The following SMAD1 variants were observed in gnomAD, a reference collection of about 807,000 sequenced individuals.
SMAD1 encodes the protein SMAD family member 1, also known as MAD, mothers against decapentaplegic homolog 1.
SMAD1 carries 6 observed loss-of-function variants against 41.6 expected under a neutral mutation model. The ratio of observed to expected loss-of-function variants is 0.14; its 90% CI spans 0.08 to 0.28. The LOEUF (loss-of-function observed/expected upper bound fraction) is 0.28, where lower values mean the gene tolerates loss of function less well. Ranked by LOEUF, SMAD1 falls within the 10% of genes least tolerant of loss-of-function variation. The pLI is 1.00. For missense variants in SMAD1, 379 were observed against 582.6 expected (o/e 0.65, Z 3.60); for synonymous variants, 206 against 203.2 (o/e 1.01, Z -0.12).
rs557064868 is a variant in SMAD1, at chr4:145,537,520, A to T, written c.401-2284A>T. Among the ~76,000 whole-genome samples, 4 of 152,306 alleles carry T rather than the reference A, an allele frequency of 2.6e-5. No individual in the cohort carries two copies. In the South Asian group the frequency reaches 8.3e-4, roughly 32 times the overall value. Reference sequence around the variant, plus strand: ...ATAAGTTAAATTTTTTAAAGTTCATAGAAGTTTTTATAACTGCCTCAAACT... The same window carrying T: ...ATAAGTTAAATTTTTTAAAGTTCATTGAAGTTTTTATAACTGCCTCAAACT... On this transcript the variant is annotated intron_variant, in intron 2 of 6. Transcript: ENST00000302085.
At chr4:145,557,412 T>C (rs1732903559) in intron 6 of SMAD1, among the ~76,000 whole-genome samples, 1 of 152,238 alleles carries the variant, frequency 6.6e-6, no homozygotes. Context: ...ATAGCTTTTT[T>C]GTTTTATTTT....
At chr4:145,480,917 ATTTTTTTTT>A (rs5862738), upstream of SMAD1, among the ~76,000 whole-genome samples, 2 of 128,724 alleles carry the variant, frequency 1.6e-5, no homozygotes, top group Non-Finnish European at 3.3e-5. Context: ...GCTGGGAGTG[ATTTTTTTTT>A]TTTTTTTTTT....
chr4:145,504,406 C>CT (rs1405620293), intron 1 of SMAD1, among the ~76,000 whole-genome samples: 1 of 152,122 alleles, frequency 6.6e-6, no homozygotes, highest in Non-Finnish European at 1.5e-5. Context: ...TTTAACTTGT[C>CT]TTTTGCCTGT....
intron 3 of SMAD1, among the ~76,000 whole-genome samples, chr4:145,541,247 C>T (rs1731915469): frequency 6.6e-6 from 1 of 152,136 alleles, no homozygotes; most frequent in Non-Finnish European, 1.5e-5. Context: ...CACTTTGTCC[C>T]TAAATGTCAG....
rs1427844416 is a variant in SMAD1 at position 145,558,352 on chromosome 4, G to C, written c.*418G>C. Among the ~76,000 whole-genome samples, 2 of 152,194 alleles carry C rather than the reference G, an allele frequency of 1.3e-5. No individual in the cohort carries two copies. The highest frequency in any genetic ancestry group is 2.4e-5 in the African/African-American group (1 of 41,454). ...TCTGAAACGTGTTTTATCAGGTTTA[G>C]AGCCCATGTTGAGTCTTCTTTTCAT... On this transcript the variant is annotated 3_prime_UTR_variant, in exon 7 of 7. Coordinates refer to ENST00000302085, the MANE Select transcript of SMAD1 (RefSeq NM_005900.3).
At chr4:145,553,723 C>T (rs1732683690) in intron 5 of SMAD1, 61 bp from the exon 6 acceptor site, 6 of 1,448,474 alleles carry the variant, frequency 4.1e-6, no homozygotes, top group Non-Finnish European at 5.8e-6. Context: ...TGAAGCTGCA[C>T]AGGTGCCTTT....
chr4:145,483,890 C>G (rs1375500762), intron 1 of SMAD1, among the ~76,000 whole-genome samples: 1 of 152,092 alleles, frequency 6.6e-6, no homozygotes, highest in East Asian at 1.9e-4. Context: ...GGTTTCGTAT[C>G]CTTGAAGAGC....
rs905670327 is a variant in SMAD1 at position 145,518,563 on chromosome 4, G to A, written c.400+3550G>A. Among the ~76,000 whole-genome samples, 6 of 124,856 alleles carry A rather than the reference G, an allele frequency of 4.8e-5. 1 individual carries two copies. The highest frequency in any genetic ancestry group is 2.0e-4 in the East Asian group (1 of 5,002). 81.9% of individuals were successfully genotyped at this position (124,856 alleles called of 152,430 possible). On this transcript the variant is annotated intron_variant, in intron 2 of 6. Transcript: ENST00000302085. ...CAGAATTGAAGCCCTCTATAAAGCC[G>A]TACAGAGTACACCTGGGTATTGTTT...
intron 2 of SMAD1, among the ~76,000 whole-genome samples, chr4:145,530,405 G>A (rs1731259258): frequency 6.6e-6 from 1 of 152,158 alleles, no homozygotes; most frequent in African/African-American, 2.4e-5. Flanking sequence ...ACTAGGTTAT[G>A]GAGTCATAGC....
At chr4:145,536,159 A>G (rs1233472725) in intron 2 of SMAD1, among the ~76,000 whole-genome samples, 1 of 152,150 alleles carries the variant, frequency 6.6e-6, no homozygotes, top group East Asian at 1.9e-4. Flanking sequence ...GGAAATAGAG[A>G]AAGGCAAATG....
At chr4:145,510,894 A>G (rs1447072041) in intron 1 of SMAD1, among the ~76,000 whole-genome samples, 2 of 152,166 alleles carry the variant, frequency 1.3e-5, no homozygotes, top group Non-Finnish European at 2.9e-5. Flanking sequence ...TAAAATTTGG[A>G]ATTTAAAAAC....
At chr4:145,488,566 T>A (rs1446592616) in intron 1 of SMAD1, among the ~76,000 whole-genome samples, 1 of 151,984 alleles carries the variant, frequency 6.6e-6, no homozygotes, top group African/African-American at 2.4e-5. Context: ...CTTTTTTTTC[T>A]TTTAGTTTCA....
At chr4:145,504,948 G>A (rs113250472) in intron 1 of SMAD1, among the ~76,000 whole-genome samples, 1 of 152,142 alleles carries the variant, frequency 6.6e-6, no homozygotes, top group Admixed American at 6.5e-5. Flanking sequence ...GAAATAATAT[G>A]GTTTTTCCAA....
intron 5 of SMAD1, among the ~76,000 whole-genome samples, chr4:145,552,469 G>A (rs920999728): frequency 6.6e-6 from 1 of 152,192 alleles, no homozygotes; most frequent in Non-Finnish European, 1.5e-5. Context: ...GGCTTTGTGA[G>A]AATGGGTTTT....
intron 1 of SMAD1, among the ~76,000 whole-genome samples, chr4:145,508,023 C>A (rs978004900): frequency 1.3e-5 from 2 of 151,532 alleles, no homozygotes; most frequent in Non-Finnish European, 2.9e-5. Context: ...TCGTGAGTGG[C>A]CTCAAGACAT....
chr4:145,527,192 T>C (rs903125957), intron 2 of SMAD1, among the ~76,000 whole-genome samples: 2 of 152,216 alleles, frequency 1.3e-5, no homozygotes, highest in South Asian at 2.1e-4. Flanking sequence ...TGCTGGACAC[T>C]GTGCTTATCA....
intron 2 of SMAD1, among the ~76,000 whole-genome samples, chr4:145,538,684 C>A (rs1037850484): frequency 6.6e-5 from 10 of 152,156 alleles, no homozygotes; most frequent in African/African-American, 2.2e-4. Context: ...TGATTCCTAA[C>A]AACCAACAAT....
chr4:145,516,428 T>C (rs935231279), intron 2 of SMAD1, among the ~76,000 whole-genome samples: 1 of 152,244 alleles, frequency 6.6e-6, no homozygotes, highest in Non-Finnish European at 1.5e-5. Flanking sequence ...ATTGGCCTAC[T>C]GTGCTCTTGA....
At chr4:145,547,026 A>C in intron 5 of SMAD1, 102 bp downstream of exon 5, 1 of 921,294 alleles carries the variant, frequency 1.1e-6, no homozygotes, top group Non-Finnish European at 1.8e-6. Flanking sequence ...TGTAGCAAAG[A>C]CCAGGTAATG....
Sources: gnomAD v4.1 joint callset for allele counts (sites outside exome capture counted in the v4.1 genomes callset) on GRCh38, gnomAD v4.1.1 for gene constraint, MANE v1.5 for transcripts, NCBI Gene and HGNC (gene_info 2026-07-23, HGNC 2026-07-21) for gene names.